The following RASSF2 variants were observed in gnomAD, a reference collection of about 807,000 sequenced individuals.
The protein encoded by RASSF2 is ras association domain-containing protein 2.
In RASSF2, 34 loss-of-function variants were observed where a neutral mutation model predicts 46.3. That is an observed-to-expected ratio of 0.73 (90% CI 0.56 to 0.98). RASSF2 has a LOEUF of 0.98. Ranked by LOEUF, RASSF2 falls within the 50% of genes least tolerant of loss-of-function variation. The pLI is 0.00. For synonymous variants in RASSF2, 158 were observed against 162.5 expected (o/e 0.97, Z 0.21); for missense variants, 364 against 431.2 (o/e 0.84, Z 1.38).
intron 2 of RASSF2, among the ~76,000 whole-genome samples, chr20:4,809,332 T>C (rs557456036): frequency 2.2e-4 from 34 of 152,220 alleles, no homozygotes; most frequent in African/African-American, 8.2e-4. Context: ...GAGCCTACTT[T>C]TTATGCTCTG....
intron 2 of RASSF2, among the ~76,000 whole-genome samples, chr20:4,811,493 T>G (rs1426732597): frequency 3.3e-5 from 5 of 152,148 alleles, no homozygotes; most frequent in Non-Finnish European, 5.9e-5. Context: ...TGAGCGCCAC[T>G]GTGGAACCTG....
chr20:4,811,698 C>T (rs1164445959), intron 2 of RASSF2, among the ~76,000 whole-genome samples: 5 of 152,174 alleles, frequency 3.3e-5, no homozygotes, highest in Non-Finnish European at 7.4e-5. Context: ...AGGCACTGAG[C>T]TGACGCAAAG....
At position 4,787,792 on chromosome 20, in the gene RASSF2, C is replaced by T. The variant is rs1308877517; in HGVS notation, c.692-38G>A. ...ACACCCAGGAGCAGCCCTGAGAGGC[C>T]TTTCTCACATTAAGTAGTGGTTAAT... On this transcript the variant is annotated intron_variant, in intron 9 of 11. Coordinates refer to ENST00000379400, the MANE Select transcript of RASSF2 (RefSeq NM_014737.3). The T allele has an allele frequency of 4.3e-6, 7 of 1,611,978 alleles. No individual in the cohort carries two copies. In the Admixed American group the frequency reaches 8.4e-5, roughly 19 times the overall value.
At chr20:4,813,053 G>A (rs1254061321) in intron 2 of RASSF2, among the ~76,000 whole-genome samples, 4 of 152,136 alleles carry the variant, frequency 2.6e-5, no homozygotes, top group Admixed American at 6.5e-5. Flanking sequence ...CAGTCACAGA[G>A]CCACTGACTC....
At chr20:4,814,505 C>T (rs977321232) in intron 2 of RASSF2, among the ~76,000 whole-genome samples, 1 of 152,126 alleles carries the variant, frequency 6.6e-6, no homozygotes, top group African/African-American at 2.4e-5. Flanking sequence ...TTCCTCTACT[C>T]GCCACCTGGG....
chr20:4,796,969 CA>C (rs1180084391), intron 4 of RASSF2, among the ~76,000 whole-genome samples: 7 of 152,230 alleles, frequency 4.6e-5, no homozygotes, highest in African/African-American at 1.7e-4. Context: ...GGACAAGCCC[CA>C]TAGGTGAAAA....
intron 2 of RASSF2, among the ~76,000 whole-genome samples, chr20:4,820,297 G>A (rs2122705666): frequency 6.6e-6 from 1 of 152,238 alleles, no homozygotes; most frequent in South Asian, 2.1e-4. Flanking sequence ...TTGAGGCCAG[G>A]TGTTTGAGAC....
chr20:4,786,429 A>AT (rs1347525170), intron 10 of RASSF2, 101 bp from the exon 11 acceptor site: 21 of 1,054,912 alleles, frequency 2.0e-5, no homozygotes, highest in Admixed American at 8.8e-5. Flanking sequence ...TGGGAAGTCT[A>AT]TTTTTTTCAG....
chr20:4,808,568 C>A (rs1927531850), intron 2 of RASSF2, among the ~76,000 whole-genome samples: 1 of 150,788 alleles, frequency 6.6e-6, no homozygotes, highest in South Asian at 2.1e-4. Flanking sequence ...GTCACTGCAG[C>A]CTTGACCTCT....
intron 4 of RASSF2, among the ~76,000 whole-genome samples, chr20:4,796,737 T>C (rs1263345656): frequency 6.6e-6 from 1 of 152,258 alleles, no homozygotes; most frequent in Non-Finnish European, 1.5e-5. Flanking sequence ...TATGAAATCC[T>C]TTAATCATGA....
At chr20:4,801,209 G>A (rs1324528998) in intron 2 of RASSF2, 147 bp from the exon 3 acceptor site, 2 of 626,012 alleles carry the variant, frequency 3.2e-6, no homozygotes, top group Non-Finnish European at 5.7e-6. Flanking sequence ...CTGACCCAAG[G>A]CTGTGAGGGG....
chr20:4,784,470 G>A lies in RASSF2; in HGVS notation c.912-128C>T, dbSNP rs1376677708. The A allele has an allele frequency of 9.1e-6, 7 of 767,052 alleles. 1 individual carries two copies. The South Asian group carries it at 1.1e-4, about 12-fold the overall frequency. 47.5% of individuals were successfully genotyped at this position (767,052 alleles called of 1,614,324 possible). On this transcript the variant is annotated intron_variant, in intron 11 of 11. Coordinates refer to ENST00000379400, the MANE Select transcript of RASSF2 (RefSeq NM_014737.3). ...GTGCAGTCAAGTGCCCTGCTCCTTT[G>A]CTTCCATTACTGACCCCTCTTTAGC...
chr20:4,794,833 C>G (rs1431867796), intron 5 of RASSF2, among the ~76,000 whole-genome samples: 1 of 152,224 alleles, frequency 6.6e-6, no homozygotes, highest in African/African-American at 2.4e-5. Context: ...AACAATTTTC[C>G]TCCTTAAATC....
intron 2 of RASSF2, among the ~76,000 whole-genome samples, chr20:4,814,343 G>A (rs2423037): frequency 0.37 from 55,876 of 152,004 alleles, 10,433 homozygotes; most frequent in Admixed American, 0.44. Flanking sequence ...CTTTGGTATC[G>A]ACACTTCCTG....
chr20:4,804,810 GC>G (rs1223836158), intron 2 of RASSF2, among the ~76,000 whole-genome samples: 1 of 152,108 alleles, frequency 6.6e-6, no homozygotes, highest in Admixed American at 6.6e-5. Context: ...AGGAAACAAG[GC>G]ACATGGTGCA....
chr20:4,816,472 G>C (rs574548939), intron 2 of RASSF2, among the ~76,000 whole-genome samples: 1 of 152,182 alleles, frequency 6.6e-6, no homozygotes, highest in African/African-American at 2.4e-5. Flanking sequence ...GGAGTGAGGG[G>C]GTTATTGTTT....
chr20:4,784,488 T>C lies in RASSF2; in HGVS notation c.912-146A>G, dbSNP rs929224741. 8 of 624,918 alleles carry C rather than the reference T, an allele frequency of 1.3e-5. No homozygotes were observed. In the Admixed American group the frequency reaches 1.4e-4, roughly 11 times the overall value. The allele number at this position is 624,918 out of a possible 1,614,324, so 38.7% of individuals were successfully genotyped here. On this transcript the variant is annotated intron_variant, in intron 11 of 11. Coordinates refer to ENST00000379400, the MANE Select transcript of RASSF2 (RefSeq NM_014737.3). ...CTCCTTTGCTTCCATTACTGACCCC[T>C]CTTTAGCTACTTTGTTGCTTATGTT...
chr20:4,789,297 C>T (rs918882871), intron 8 of RASSF2, among the ~76,000 whole-genome samples: 2 of 152,130 alleles, frequency 1.3e-5, no homozygotes, highest in Non-Finnish European at 2.9e-5. Context: ...TCTCAAACTT[C>T]GGTAGGCATC....
chr20:4,805,874 C>T (rs771642827), intron 2 of RASSF2, among the ~76,000 whole-genome samples: 12 of 152,194 alleles, frequency 7.9e-5, no homozygotes, highest in Admixed American at 4.6e-4. Context: ...AGGACCGCAA[C>T]GTAGGCAGAG....
Sources: gnomAD v4.1 joint callset for allele counts (sites outside exome capture counted in the v4.1 genomes callset) on GRCh38, gnomAD v4.1.1 for gene constraint, MANE v1.5 for transcripts, NCBI Gene and HGNC (gene_info 2026-07-23, HGNC 2026-07-21) for gene names.